The following COP1 variants were observed in gnomAD, a reference collection of about 807,000 sequenced individuals.
The protein encoded by COP1 is COP1 E3 ubiquitin ligase, also known as E3 ubiquitin-protein ligase COP1.
Under a neutral mutation model 101.3 loss-of-function variants are expected in COP1, and 24 were observed. That is an observed-to-expected ratio of 0.24 (90% confidence interval 0.17 to 0.33). The LOEUF (loss-of-function observed/expected upper bound fraction) is 0.33. Among genes scored for constraint, COP1 ranks in the 10% least tolerant of loss-of-function variants. The pLI, the probability that COP1 is intolerant of heterozygous loss-of-function variation, is 1.00. For synonymous variants in COP1, 347 were observed against 341.9 expected (o/e 1.01, Z -0.17); for missense variants, 663 against 906.2 (o/e 0.73, Z 3.45).
At chr1:176,133,560 T>C (rs748077785) in intron 8 of COP1, among the ~76,000 whole-genome samples, 1 of 151,824 alleles carries the variant, frequency 6.6e-6, no homozygotes, top group Non-Finnish European at 1.5e-5. Context: ...CATCCCAAAA[T>C]GTAAGCTCCA....
At position 176,077,061 on chromosome 1, in the gene COP1, T is replaced by C. The variant is rs573783733; in HGVS notation, c.1277+4091A>G. Reference sequence around the variant, plus strand: ...CAAGTTCTAATAGAGGTACAAAGAATTGATACCAATCCTGCTGAAACTTCC... The same window carrying C: ...CAAGTTCTAATAGAGGTACAAAGAACTGATACCAATCCTGCTGAAACTTCC... On this transcript the variant is annotated intron_variant, in intron 11 of 19. Coordinates refer to ENST00000367669, the MANE Select transcript of COP1 (RefSeq NM_022457.7). Among the ~76,000 whole-genome samples, 85 of 152,268 alleles carry C rather than the reference T, an allele frequency of 5.6e-4. 1 individual carries two copies. The Middle Eastern group carries it at 0.027, about 49-fold the overall frequency.
At chr1:175,953,043 A>G (rs1337894455) in intron 18 of COP1, among the ~76,000 whole-genome samples, 4 of 152,252 alleles carry the variant, frequency 2.6e-5, no homozygotes, top group Non-Finnish European at 5.9e-5. Flanking sequence ...AAATAATAAC[A>G]GTGCTTTAAG....
At chr1:176,152,733 C>T (rs529798715) in intron 5 of COP1, among the ~76,000 whole-genome samples, 279 of 152,104 alleles carry the variant, frequency 1.8e-3, no homozygotes, top group Non-Finnish European at 2.8e-3. Context: ...AGCCACTGTG[C>T]CCAGCTTAAA....
chr1:176,109,551 T>C (rs970579042), intron 9 of COP1, among the ~76,000 whole-genome samples: 10 of 152,332 alleles, frequency 6.6e-5, no homozygotes, highest in African/African-American at 2.2e-4. Flanking sequence ...TTCATTGTAC[T>C]AATGAACTTT....
At chr1:176,022,713 C>CT (rs776371615) in intron 15 of COP1, among the ~76,000 whole-genome samples, 6 of 151,308 alleles carry the variant, frequency 4.0e-5, no homozygotes, top group Admixed American at 2.6e-4. Flanking sequence ...TCACTGATGC[C>CT]TTGCTGATAC....
chr1:176,186,638 T>C (rs1285207810), intron 1 of COP1, among the ~76,000 whole-genome samples: 2 of 152,132 alleles, frequency 1.3e-5, no homozygotes, highest in African/African-American at 4.8e-5. Flanking sequence ...ACTGGTGGAT[T>C]TGGAAAAGAG....
chr1:176,058,117 G>C (rs1481977401), intron 11 of COP1, among the ~76,000 whole-genome samples: 1 of 122,190 alleles, frequency 8.2e-6, no homozygotes, highest in Non-Finnish European at 1.8e-5. Context: ...CAGCCACCCC[G>C]TCGGGAGGGA....
intron 18 of COP1, among the ~76,000 whole-genome samples, chr1:175,964,153 C>T (rs1651718457): frequency 6.6e-6 from 1 of 152,026 alleles, no homozygotes; most frequent in African/African-American, 2.4e-5. Context: ...AATAACTTTC[C>T]CAAAGTCTTA....
intron 8 of COP1, among the ~76,000 whole-genome samples, chr1:176,123,288 G>C (rs1021480691): frequency 6.6e-6 from 1 of 152,098 alleles, no homozygotes; most frequent in Non-Finnish European, 1.5e-5. Context: ...ATGGGACTTC[G>C]GTAGGAGAGA....
intron 5 of COP1, among the ~76,000 whole-genome samples, chr1:176,152,448 A>C (rs1391285165): frequency 6.6e-6 from 1 of 151,840 alleles, no homozygotes; most frequent in Non-Finnish European, 1.5e-5. Flanking sequence ...ATTATTACTT[A>C]GATTTTTTTT....
chr1:176,192,680 G>C (rs377085063), intron 1 of COP1, among the ~76,000 whole-genome samples: 1 of 152,018 alleles, frequency 6.6e-6, no homozygotes. Flanking sequence ...AGTTCACACA[G>C]AAGAAAAACA....
chr1:176,097,218 T>TG (rs1682554268), intron 9 of COP1, among the ~76,000 whole-genome samples: 1 of 151,954 alleles, frequency 6.6e-6, no homozygotes, highest in Admixed American at 6.5e-5. Flanking sequence ...TCTAGGACCT[T>TG]GTTTTGTTGA....
chr1:176,060,714 A>G (rs1301582112), intron 11 of COP1, among the ~76,000 whole-genome samples: 1 of 152,172 alleles, frequency 6.6e-6, no homozygotes, highest in Non-Finnish European at 1.5e-5. Context: ...AAACCATTTA[A>G]TCCTACCAAG....
chr1:176,079,647 A>C (rs1678736843), intron 11 of COP1, among the ~76,000 whole-genome samples: 1 of 151,984 alleles, frequency 6.6e-6, no homozygotes, highest in Non-Finnish European at 1.5e-5. Context: ...TAAAAAAAAA[A>C]GGTTCAAGGT....
chr1:176,041,002 T>A (rs946983444), intron 14 of COP1, among the ~76,000 whole-genome samples: 5 of 151,678 alleles, frequency 3.3e-5, no homozygotes, highest in African/African-American at 1.2e-4. Context: ...CAGAAAACAG[T>A]GAATAGTAAA....
At chr1:176,086,227 CTTTT>C (rs11428035) in intron 9 of COP1, among the ~76,000 whole-genome samples, 2 of 135,052 alleles carry the variant, frequency 1.5e-5, no homozygotes, top group East Asian at 2.1e-4. Context: ...GGGAATCTTT[CTTTT>C]TTTTTTTTTT....
At chr1:175,984,488 A>G (rs1213023558) in intron 18 of COP1, among the ~76,000 whole-genome samples, 3 of 152,206 alleles carry the variant, frequency 2.0e-5, no homozygotes, top group Admixed American at 6.5e-5. Context: ...TGGGCCCCTC[A>G]TGGAGAACCT....
intron 15 of COP1, among the ~76,000 whole-genome samples, chr1:175,990,022 T>G (rs867008696): frequency 7.9e-5 from 12 of 151,924 alleles, no homozygotes; most frequent in Admixed American, 3.3e-4. Flanking sequence ...TAACCTTTAT[T>G]ATTTCCTTCC....
chr1:176,110,817 T>C (rs1685155663), intron 9 of COP1, among the ~76,000 whole-genome samples: 1 of 152,216 alleles, frequency 6.6e-6, no homozygotes, highest in Non-Finnish European at 1.5e-5. Flanking sequence ...TCAACCTCCA[T>C]AACTTCTCTG....
Sources: allele counts gnomAD v4.1 joint callset (sites outside exome capture counted in the v4.1 genomes callset), GRCh38; gene constraint gnomAD v4.1.1; transcripts MANE v1.5; gene names NCBI Gene and HGNC (gene_info 2026-07-23, HGNC 2026-07-21).